LRRC43: variants seen among roughly 807,000 people sequenced by gnomAD.
LRRC43 encodes the protein leucine-rich repeat-containing protein 43.
LRRC43 carries 62 observed loss-of-function variants against 64.3 expected under a neutral mutation model. That is an observed-to-expected ratio of 0.96 (90% CI 0.79 to 1.19). The LOEUF (loss-of-function observed/expected upper bound fraction) is 1.19, where lower values mean the gene tolerates loss of function less well. Among genes scored for constraint, LRRC43 ranks in the 50% most tolerant of loss-of-function variants. LRRC43 has a pLI of 0.00. For missense variants in LRRC43, 868 were observed against 845.0 expected (o/e 1.03, Z -0.34); for synonymous variants, 422 against 382.3 (o/e 1.10, Z -1.21).
At position 122,200,906 on chromosome 12, in the gene LRRC43, T is replaced by G; in HGVS notation, c.1781T>G (p.Leu594Trp). 6.2e-7 allele frequency: 1 copy of G among 1,608,424 alleles called. No homozygotes were observed. The change falls in exon 10 of 12, where the codon TTG becomes TGG. Residue 594 changes from leucine to tryptophan, a missense_variant. Coordinates refer to ENST00000339777, the MANE Select transcript of LRRC43 (RefSeq NM_001098519.2). The surrounding 1 kb of genome is among the most constrained non-coding windows in gnomAD (Gnocchi z 4.6). Reference protein sequence around the residue: ...TVCNFGVVRTLTSDRLTLARD... With the variant: ...TVCNFGVVRTWTSDRLTLARD... The stretch of plus-strand genomic sequence containing the variant: ...TGCAACTTCGGCGTGGTCCGCACAT[T>G]GACATCTGACAGGCTGACGTTGGCC...
intron 6 of LRRC43, 45 bp from the exon 7 acceptor site, chr12:122,192,700 T>G: frequency 6.2e-7 from 1 of 1,602,192 alleles, no homozygotes; most frequent in African/African-American, 1.3e-5. Context: ...GCTGAGCACA[T>G]CCTGAAGACG....
Position 122,203,344 on chromosome 12 carries a change from G to T in LRRC43, c.1873G>T (p.Glu625Ter). ...EKPKAVIPIY[E>*]GDYHPEPLTV... ...GCCGAAAGCCGTGATTCCGATCTAC[G>T]AAGGCGATTACCACCCTGAGCCCCT... is the stretch of plus-strand genomic sequence containing the variant. The change falls in exon 12 of 12, where the codon GAA (glutamate) becomes TAA (stop). Residue 625 changes from glutamate to a stop codon, truncating the protein, a stop_gained. Coordinates refer to ENST00000339777, the MANE Select transcript of LRRC43 (RefSeq NM_001098519.2). LOFTEE classifies it low-confidence loss of function (END_TRUNC). 6.2e-7 allele frequency: 1 copy of T among 1,613,162 alleles called. No individual in the cohort carries two copies. Among genetic ancestry groups the T allele is most frequent in the Non-Finnish European group, 8.5e-7 (1 of 1,179,914 alleles).
intron 1 of LRRC43, among the ~76,000 whole-genome samples, chr12:122,176,068 T>C (rs1391829850): frequency 2.0e-5 from 3 of 152,234 alleles, no homozygotes; most frequent in African/African-American, 7.2e-5. Flanking sequence ...GGCCCGTCAT[T>C]GCTGTGGGCT....
chr12:122,195,905 G>A (rs1953769074), intron 7 of LRRC43, among the ~76,000 whole-genome samples: 2 of 152,114 alleles, frequency 1.3e-5, no homozygotes, highest in African/African-American at 4.8e-5. Context: ...GAAAACCCAA[G>A]GGAAACCTGG....
chr12:122,174,066 G>C, intron 1 of LRRC43: 1 of 1,613,594 alleles, frequency 6.2e-7, no homozygotes, highest in Non-Finnish European at 8.5e-7. Context: ...CTGCAGCCCT[G>C]CTGAGCCAAC....
At position 122,200,185 on chromosome 12, in the gene LRRC43, C is replaced by G. The variant is rs118113211; in HGVS notation, c.1350-4C>G. 63,170 of 1,612,696 alleles carry G rather than the reference C, an allele frequency of 0.039. 1,495 individuals are homozygous for G. Among genetic ancestry groups the G allele is most frequent in the Non-Finnish European group, 0.046 (54,806 of 1,179,260 alleles). On this transcript the variant is annotated splice_region_variant and splice_polypyrimidine_tract_variant and intron_variant, in intron 7 of 11. Coordinates refer to ENST00000339777, the MANE Select transcript of LRRC43 (RefSeq NM_001098519.2). This position sits in a 1 kb window ranked among gnomAD's most constrained non-coding sequence, Gnocchi z 4.6. ...ACCCCCGTCTTCATCCCTCCCTCCCCAAGGACTGTCCTCTTCAGCACTGCC... is the reference window on the plus strand; with the variant it reads ...ACCCCCGTCTTCATCCCTCCCTCCCGAAGGACTGTCCTCTTCAGCACTGCC...
chr12:122,174,666 C>G (rs182296308), intron 1 of LRRC43, among the ~76,000 whole-genome samples: 1 of 152,184 alleles, frequency 6.6e-6, no homozygotes, highest in Admixed American at 6.5e-5. Flanking sequence ...TATGCCCACG[C>G]CGGTGTGCAG....
chr12:122,175,448 C>T (rs1389392058), intron 1 of LRRC43, among the ~76,000 whole-genome samples: 4 of 151,696 alleles, frequency 2.6e-5, no homozygotes, highest in African/African-American at 4.8e-5. Flanking sequence ...ATTACAGGTG[C>T]GAGCCACCAC....
intron 7 of LRRC43, among the ~76,000 whole-genome samples, chr12:122,197,824 T>C (rs1360857128): frequency 6.6e-6 from 1 of 152,088 alleles, no homozygotes; most frequent in African/African-American, 2.4e-5. Context: ...CTTTCAACTC[T>C]TCTACTCACT....
At chr12:122,197,055 T>A (rs1247603422) in intron 7 of LRRC43, among the ~76,000 whole-genome samples, 1 of 152,162 alleles carries the variant, frequency 6.6e-6, no homozygotes, top group East Asian at 1.9e-4. Flanking sequence ...ACAGGTCATT[T>A]ATCTCCTAGT....
chr12:122,181,883 G>A (rs1463248318), upstream of LRRC43, among the ~76,000 whole-genome samples: 1 of 151,722 alleles, frequency 6.6e-6, no homozygotes, highest in East Asian at 2.0e-4. Context: ...TGGGTTTACA[G>A]GGGTGAGCCA....
At position 122,184,739 on chromosome 12, in the gene LRRC43, TCTACTC is replaced by T; in HGVS notation, c.377_382del (p.Ser126_Tyr127del). ...CCGCTGACGATCACAGACACCTTCT[TCTACTC>T]CTACTTCCGGTCCCTGCGGGTAATA... On this transcript the variant is annotated inframe_deletion, in exon 2 of 12. Coordinates refer to ENST00000339777, the MANE Select transcript of LRRC43 (RefSeq NM_001098519.2). This position sits in a 1 kb window ranked among gnomAD's most constrained non-coding sequence, Gnocchi z 4.0. 2 of 1,612,304 alleles carry T rather than the reference TCTACTC, an allele frequency of 1.2e-6. No individual in the cohort carries two copies. The highest frequency in any genetic ancestry group is 1.7e-6 in the Non-Finnish European group (2 of 1,179,200).
intron 7 of LRRC43, among the ~76,000 whole-genome samples, chr12:122,195,784 A>G (rs1953768125): frequency 6.6e-6 from 1 of 152,124 alleles, no homozygotes; most frequent in African/African-American, 2.4e-5. Context: ...AACGTTTTAA[A>G]TCAAATTTTG....
chr12:122,203,266 C>A, intron 11 of LRRC43, 49 bp from the exon 12 acceptor site: 2 of 1,593,912 alleles, frequency 1.3e-6, no homozygotes, highest in Non-Finnish European at 1.7e-6. Context: ...GCCGAGAACG[C>A]CAGCCCATCC....
At chr12:122,193,379 C>CAA (rs1454068315) in intron 7 of LRRC43, among the ~76,000 whole-genome samples, 1 of 44,046 alleles carries the variant, frequency 2.3e-5, no homozygotes, top group Non-Finnish European at 3.8e-5. Context: ...GACTCCGTCT[C>CAA]ATAAAAAAAA....
chr12:122,175,178 CTTTT>C (rs1284137195), intron 1 of LRRC43, among the ~76,000 whole-genome samples: 1 of 148,766 alleles, frequency 6.7e-6, no homozygotes, highest in Non-Finnish European at 1.5e-5. Context: ...TTCTTTCTTT[CTTTT>C]TTTTTGAGAC....
At position 122,190,309 on chromosome 12, in the gene LRRC43, A is replaced by G. The variant is rs1593149232; in HGVS notation, c.842A>G (p.Asp281Gly). The G allele has an allele frequency of 6.2e-7, 1 of 1,614,086 alleles. No homozygotes were observed. Among genetic ancestry groups the G allele is most frequent in the South Asian group, 1.1e-5 (1 of 91,062 alleles). The change falls in exon 5 of 12, where the codon GAC becomes GGC. Residue 281 changes from aspartate (D) to glycine (G), a missense_variant. Physicochemically the swap from Asp to Gly is moderately conservative, Grantham distance 94. Coordinates refer to ENST00000339777, the MANE Select transcript of LRRC43 (RefSeq NM_001098519.2). ...AGCCTGGCCCAGCTCTGCGTGCTGG[A>G]CGACATCACCGTGTCTCCCAATGAG... ...IDSLAQLCVL[D>G]DITVSPNEKH... is the part of the protein sequence containing the mutation.
rs891627879 is a variant in LRRC43 at position 122,184,255 on chromosome 12, C to T, written c.151-264C>T. Among the ~76,000 whole-genome samples, 3 of 152,060 alleles carry T rather than the reference C, an allele frequency of 2.0e-5. No homozygotes were observed. Among genetic ancestry groups the T allele is most frequent in the East Asian group, 1.9e-4 (1 of 5,158 alleles). On this transcript the variant is annotated intron_variant, in intron 1 of 11. Coordinates refer to ENST00000339777, the MANE Select transcript of LRRC43 (RefSeq NM_001098519.2). This position sits in a 1 kb window ranked among gnomAD's most constrained non-coding sequence, Gnocchi z 4.0. ...GACTACAGTTGCGTGCCACCACGCCCGGCTAATTTTTTGTATTTTTAGTCG... is the reference window on the plus strand; with the variant it reads ...GACTACAGTTGCGTGCCACCACGCCTGGCTAATTTTTTGTATTTTTAGTCG...
At chr12:122,191,002 AC>A (rs1953712058) in intron 5 of LRRC43, among the ~76,000 whole-genome samples, 2 of 152,124 alleles carry the variant, frequency 1.3e-5, no homozygotes, top group South Asian at 4.1e-4. Flanking sequence ...ACCTGTGGGG[AC>A]TTGGGACAGT....
Sources: allele counts gnomAD v4.1 joint callset (sites outside exome capture counted in the v4.1 genomes callset), GRCh38; gene constraint gnomAD v4.1.1; non-coding constraint Gnocchi (gnomAD v3.1); transcripts MANE v1.5; gene names NCBI Gene and HGNC (gene_info 2026-07-23, HGNC 2026-07-21).